Variants in AUTS2 observed in about 807,000 individuals in gnomAD.
The protein encoded by AUTS2 is activator of transcription and developmental regulator AUTS2.
A neutral mutation model predicts 112.4 loss-of-function variants in AUTS2; 17 were observed. The ratio of observed to expected loss-of-function variants is 0.15; its 90% CI spans 0.10 to 0.23. The LOEUF is 0.23. Among genes scored for constraint, AUTS2 ranks in the 10% least tolerant of loss-of-function variants. AUTS2 has a pLI of 1.00. For synonymous variants in AUTS2, 751 were observed against 702.7 expected (o/e 1.07, Z -1.09); for missense variants, 1,510 against 1,701.6 (o/e 0.89, Z 1.98).
intron 4 of AUTS2, among the ~76,000 whole-genome samples, chr7:70,231,013 A>G (rs765811078): frequency 6.6e-6 from 1 of 152,266 alleles, no homozygotes; most frequent in Non-Finnish European, 1.5e-5. Flanking sequence ...AAAGTGCTAT[A>G]GACTCTCACT....
chr7:70,263,255 A>ATG, intron 4 of AUTS2, among the ~76,000 whole-genome samples: 1 of 152,290 alleles, frequency 6.6e-6, no homozygotes, highest in African/African-American at 2.4e-5. Flanking sequence ...TAATATAGGG[A>ATG]TATCCAATAT....
intron 5 of AUTS2, among the ~76,000 whole-genome samples, chr7:70,651,845 C>T (rs2129541826): frequency 6.6e-6 from 1 of 152,090 alleles, no homozygotes; most frequent in East Asian, 1.9e-4. Context: ...TGGGGCTGGT[C>T]ATCTGGATCC....
At chr7:70,580,601 G>A (rs1476330781) in intron 5 of AUTS2, among the ~76,000 whole-genome samples, 1 of 152,194 alleles carries the variant, frequency 6.6e-6, no homozygotes, top group Non-Finnish European at 1.5e-5. Flanking sequence ...TCTTCTGTTC[G>A]TCAACCTTTT....
At chr7:70,448,450 C>A (rs2131026963) in intron 5 of AUTS2, among the ~76,000 whole-genome samples, 1 of 152,334 alleles carries the variant, frequency 6.6e-6, no homozygotes, top group East Asian at 1.9e-4. Context: ...CCTGCCCCCG[C>A]TCCCCTCCTT....
chr7:69,659,047 TG>T (rs1348841332), intron 1 of AUTS2, among the ~76,000 whole-genome samples: 3 of 152,230 alleles, frequency 2.0e-5, no homozygotes, highest in Non-Finnish European at 4.4e-5. Context: ...AACCAGCAAC[TG>T]GCAGATGTTT....
At chr7:70,774,152 C>A in intron 12 of AUTS2, 53 bp downstream of exon 12, 1 of 1,549,266 alleles carries the variant, frequency 6.5e-7, no homozygotes, top group Non-Finnish European at 8.9e-7. Flanking sequence ...TGTGTGTTTG[C>A]ACGGGACGGC....
chr7:69,977,205 C>T (rs1467135404), intron 2 of AUTS2, among the ~76,000 whole-genome samples: 3 of 152,118 alleles, frequency 2.0e-5, no homozygotes, highest in Non-Finnish European at 4.4e-5. Flanking sequence ...AACTATCTTT[C>T]TCCATTGAAC....
chr7:70,334,696 T>C (rs1790910796), intron 4 of AUTS2, among the ~76,000 whole-genome samples: 3 of 152,208 alleles, frequency 2.0e-5, no homozygotes, highest in South Asian at 4.1e-4. Context: ...TTGACTTTCA[T>C]GTCCCTCTAA....
Position 70,655,917 on chromosome 7 carries a change from G to GT in AUTS2, c.691-42646dup, listed in dbSNP as rs201585141. Among the ~76,000 whole-genome samples the GT allele has an allele frequency of 4.0e-3, 616 of 152,236 alleles. 6 individuals are homozygous for GT. Among genetic ancestry groups the GT allele is most frequent in the African/African-American group, 0.014 (595 of 41,528 alleles). ...CAGTCCTCTGGGATTATTGCCAGCA[G>GT]TTTTTTCTGTTTGTTGATCATCTGC... On this transcript the variant is annotated intron_variant, in intron 5 of 18. Transcript: ENST00000342771.
chr7:69,602,040 ATGTGTGTGTG>A lies in AUTS2; in HGVS notation c.309+2122_309+2131del, dbSNP rs6150156. ...TGTGTGTATATATATATATATATAT[ATGTGTGTGTG>A]TGTGTGTGTGTGTGTGTGTGTGTGT... On this transcript the variant is annotated intron_variant, in intron 1 of 18. Coordinates refer to ENST00000342771, the MANE Select transcript of AUTS2 (RefSeq NM_015570.4). 5.1e-3 allele frequency among the ~76,000 whole-genome samples: 237 copies of A among 46,022 alleles called. 2 individuals carry two copies. The highest frequency in any genetic ancestry group is 0.015 in the East Asian group (16 of 1,072). The allele number at this position is 46,022 out of a possible 152,430, so 30.2% of individuals were successfully genotyped here. A position where few individuals can be genotyped will look rare whatever the true frequency, so the allele number is the denominator to read the frequency against.
At chr7:69,601,235 T>C (rs56302473) in intron 1 of AUTS2, among the ~76,000 whole-genome samples, 93,435 of 151,950 alleles carry the variant, frequency 0.61, 29,035 homozygotes, top group East Asian at 0.68. Flanking sequence ...AGTTGGCTTA[T>C]AGTGTTTCAT....
intron 4 of AUTS2, among the ~76,000 whole-genome samples, chr7:70,357,162 C>T (rs764332167): frequency 6.6e-6 from 1 of 152,154 alleles, no homozygotes; most frequent in African/African-American, 2.4e-5. Flanking sequence ...GGGTAAGGAA[C>T]ATTTTGGTGG....
chr7:70,645,395 C>T (rs749417197), intron 5 of AUTS2, among the ~76,000 whole-genome samples: 43 of 152,154 alleles, frequency 2.8e-4, no homozygotes, highest in Non-Finnish European at 5.9e-4. Context: ...TGGGGCAGAG[C>T]AGATCCAACC....
intron 4 of AUTS2, among the ~76,000 whole-genome samples, chr7:70,168,512 C>T (rs950326597): frequency 3.9e-5 from 6 of 152,134 alleles, no homozygotes; most frequent in Admixed American, 1.3e-4. Context: ...GACAGGGTTT[C>T]ACCATGTTGA....
At chr7:70,386,615 C>T (rs1261003866) in intron 4 of AUTS2, among the ~76,000 whole-genome samples, 1 of 152,148 alleles carries the variant, frequency 6.6e-6, no homozygotes, top group Admixed American at 6.5e-5. Context: ...AGTGACTGAA[C>T]GTAAGTCCAG....
chr7:70,581,683 C>G (rs538456383), intron 5 of AUTS2, among the ~76,000 whole-genome samples: 2 of 152,332 alleles, frequency 1.3e-5, no homozygotes, highest in African/African-American at 2.4e-5. Flanking sequence ...CAACCTTAGC[C>G]TTAACCAAGA....
chr7:70,339,869 A>G (rs891446577), intron 4 of AUTS2, among the ~76,000 whole-genome samples: 51 of 152,314 alleles, frequency 3.3e-4, no homozygotes, highest in African/African-American at 1.2e-3. Context: ...GTGTTAGATT[A>G]GTGAGAATTT....
intron 3 of AUTS2, among the ~76,000 whole-genome samples, chr7:70,132,700 A>C (rs1439223319): frequency 6.6e-6 from 1 of 152,234 alleles, no homozygotes; most frequent in African/African-American, 2.4e-5. Flanking sequence ...CAAAACGAGC[A>C]TAACAGAGCT....
At chr7:70,208,011 C>CAAAAAAAAAA (rs61267230) in intron 4 of AUTS2, among the ~76,000 whole-genome samples, 1 of 48,050 alleles carries the variant, frequency 2.1e-5, no homozygotes, top group African/African-American at 8.0e-5. Context: ...AACTCCATCT[C>CAAAAAAAAAA]AAAAAAAAAA....
Sources: gnomAD v4.1 joint callset for allele counts (sites outside exome capture counted in the v4.1 genomes callset) on GRCh38, gnomAD v4.1.1 for gene constraint, MANE v1.5 for transcripts, NCBI Gene and HGNC (gene_info 2026-07-23, HGNC 2026-07-21) for gene names.